Variants in ADGRL2 observed in about 807,000 individuals in gnomAD.
ADGRL2 encodes the protein adhesion G protein-coupled receptor L2.
In ADGRL2, 44 loss-of-function variants were observed where a neutral mutation model predicts 157.4. The observed-to-expected ratio is 0.28, with a 90% confidence interval of 0.22 to 0.36. The LOEUF is 0.36. ADGRL2 is among the 10% of genes least tolerant of loss of function. The pLI is 1.00. For missense variants in ADGRL2, 1,510 were observed against 1,768.9 expected (o/e 0.85, Z 2.63); for synonymous variants, 585 against 624.7 (o/e 0.94, Z 0.95).
intron 2 of ADGRL2, among the ~76,000 whole-genome samples, chr1:81,883,712 A>G (rs1457528123): frequency 6.6e-6 from 1 of 151,692 alleles, no homozygotes; most frequent in Admixed American, 6.6e-5. Context: ...TCTTTCCAGC[A>G]CTCTATCTGG....
At chr1:81,533,967 G>A (rs1373015168) in intron 2 of ADGRL2, among the ~76,000 whole-genome samples, 1 of 152,098 alleles carries the variant, frequency 6.6e-6, no homozygotes, top group Non-Finnish European at 1.5e-5. Context: ...TTTAGATCAT[G>A]GGGTCTCCAG....
At chr1:81,799,665 A>G (rs2087782563), upstream of ADGRL2, among the ~76,000 whole-genome samples, 2 of 152,238 alleles carry the variant, frequency 1.3e-5, no homozygotes, top group African/African-American at 4.8e-5. Flanking sequence ...CTGAAGTATG[A>G]TGCTTGCAAC....
At position 81,615,733 on chromosome 1, in the gene ADGRL2, C is replaced by G. The variant is rs541057760; in HGVS notation, c.-143+34753C>G. 3.0e-4 allele frequency among the ~76,000 whole-genome samples: 46 copies of G among 152,282 alleles called. 1 individual carries two copies. In the South Asian group the frequency reaches 7.7e-3, roughly 25 times the overall value. On this transcript the variant is annotated intron_variant, in intron 3 of 24. Coordinates refer to the ADGRL2 transcript ENST00000370721. ...TGAGGTCCCATCTAAGTGATAGACA[C>G]TGCTCTGGAGACCACAGAAAATCAA...
chr1:81,990,385 T>C lies in ADGRL2; in HGVS notation c.3656-6T>C. On this transcript the variant is annotated splice_polypyrimidine_tract_variant and splice_region_variant and intron_variant, in intron 23 of 23. Coordinates refer to ENST00000686636, the MANE Select transcript of ADGRL2 (RefSeq NM_001366006.2). The stretch of plus-strand genomic sequence containing the variant: ...AGTAATGATAACTCCCCCTCTTCTG[T>C]TTCAGGACATTCACTGAACAATGCC... 2 of 1,610,318 alleles carry C rather than the reference T, an allele frequency of 1.2e-6. No individual in the cohort carries two copies. The highest frequency in any genetic ancestry group is 2.2e-5 in the South Asian group (2 of 90,880).
At chr1:81,422,717 C>A (rs986402830) in intron 1 of ADGRL2, among the ~76,000 whole-genome samples, 4 of 152,176 alleles carry the variant, frequency 2.6e-5, no homozygotes, top group African/African-American at 9.7e-5. Flanking sequence ...AAATTATCAG[C>A]TGTACCACCA....
intron 1 of ADGRL2, among the ~76,000 whole-genome samples, chr1:81,702,601 T>C (rs2083608557): frequency 6.6e-6 from 1 of 152,180 alleles, no homozygotes; most frequent in African/African-American, 2.4e-5. Context: ...CTTTTCCTTA[T>C]GGCTCTGTCA....
chr1:81,440,243 T>A (rs1013632427), intron 1 of ADGRL2, among the ~76,000 whole-genome samples: 2 of 152,228 alleles, frequency 1.3e-5, no homozygotes, highest in Non-Finnish European at 2.9e-5. Context: ...GGCTTTAAAC[T>A]GTCTTCAGCT....
chr1:81,933,689 G>A (rs1369606173), intron 3 of ADGRL2, among the ~76,000 whole-genome samples: 1 of 152,060 alleles, frequency 6.6e-6, no homozygotes, highest in Admixed American at 6.6e-5. Flanking sequence ...AATAGCTCAC[G>A]TTGGGTGTTT....
intron 2 of ADGRL2, among the ~76,000 whole-genome samples, chr1:81,774,712 A>T (rs1482640702): frequency 6.6e-6 from 1 of 152,146 alleles, no homozygotes; most frequent in Non-Finnish European, 1.5e-5. Flanking sequence ...TTTTTGGAAT[A>T]ATAAATTTAA....
chr1:81,413,163 C>T (rs1161623913), intron 1 of ADGRL2, among the ~76,000 whole-genome samples: 7 of 152,108 alleles, frequency 4.6e-5, no homozygotes, highest in Admixed American at 1.3e-4. Flanking sequence ...CCACCTCAGC[C>T]GTTTGCCTAT....
chr1:81,855,212 G>A (rs2093161134), intron 2 of ADGRL2, among the ~76,000 whole-genome samples: 1 of 152,174 alleles, frequency 6.6e-6, no homozygotes, highest in Non-Finnish European at 1.5e-5. Flanking sequence ...ACTGAGGTGG[G>A]AGGATCACTT....
At chr1:81,951,889 T>C in intron 8 of ADGRL2, 68 bp from the exon 9 acceptor site, 2 of 1,271,442 alleles carry the variant, frequency 1.6e-6, no homozygotes, top group Non-Finnish European at 2.2e-6. Flanking sequence ...ATAAAGATAC[T>C]CAAGGAGAAC....
At chr1:81,694,211 TA>T (rs2083398594) in intron 3 of ADGRL2, among the ~76,000 whole-genome samples, 1 of 152,098 alleles carries the variant, frequency 6.6e-6, no homozygotes, top group Admixed American at 6.6e-5. Flanking sequence ...TATGTGCATT[TA>T]AAAAAAGCAC....
intron 3 of ADGRL2, among the ~76,000 whole-genome samples, chr1:81,929,674 A>G (rs1293370889): frequency 6.6e-6 from 1 of 152,202 alleles, no homozygotes; most frequent in Admixed American, 6.5e-5. Context: ...ACAAATTTGC[A>G]TGAATAGTTG....
intron 3 of ADGRL2, among the ~76,000 whole-genome samples, chr1:81,665,127 C>T (rs905444820): frequency 6.6e-6 from 1 of 152,060 alleles, no homozygotes; most frequent in African/African-American, 2.4e-5. Context: ...TCATAATGAA[C>T]TCTGCATGGC....
chr1:81,739,173 C>T (rs995951790), intron 1 of ADGRL2, among the ~76,000 whole-genome samples: 2 of 152,174 alleles, frequency 1.3e-5, no homozygotes, highest in African/African-American at 4.8e-5. Context: ...TTAATTAAGT[C>T]AGTTATCCTA....
intron 2 of ADGRL2, among the ~76,000 whole-genome samples, chr1:81,493,584 G>A (rs1012950226): frequency 2.6e-5 from 4 of 152,134 alleles, no homozygotes; most frequent in Non-Finnish European, 4.4e-5. Context: ...GGGAGTGGAG[G>A]TTATTTTGGG....
intron 1 of ADGRL2, among the ~76,000 whole-genome samples, chr1:81,413,713 A>C (rs1389996380): frequency 6.6e-6 from 1 of 152,192 alleles, no homozygotes; most frequent in Non-Finnish European, 1.5e-5. Context: ...GTCAAGAAAA[A>C]GAGTTTATTA....
intron 1 of ADGRL2, among the ~76,000 whole-genome samples, chr1:81,334,396 G>A (rs1661489233): frequency 6.6e-6 from 1 of 152,168 alleles, no homozygotes; most frequent in Non-Finnish European, 1.5e-5. Flanking sequence ...CAGTCTTCCT[G>A]TCATATTAGT....
Sources: allele counts gnomAD v4.1 joint callset (sites outside exome capture counted in the v4.1 genomes callset), GRCh38; gene constraint gnomAD v4.1.1; transcripts MANE v1.5; gene names NCBI Gene and HGNC (gene_info 2026-07-23, HGNC 2026-07-21).